The following FBRSL1 variants were observed in gnomAD, a reference collection of about 807,000 sequenced individuals.
The protein encoded by FBRSL1 is fibrosin like 1.
In FBRSL1, 51 loss-of-function variants were observed where a neutral mutation model predicts 89.6. The ratio of observed to expected loss-of-function variants is 0.57; its 90% CI spans 0.45 to 0.72. FBRSL1 has a LOEUF of 0.72. Among genes scored for constraint, FBRSL1 ranks in the 30% least tolerant of loss-of-function variants. The pLI is 0.00. For synonymous variants in FBRSL1, 779 were observed against 681.1 expected (o/e 1.14, Z -2.24); for missense variants, 1,618 against 1,451.8 (o/e 1.11, Z -1.86).
rs1310949033 is a variant in FBRSL1 at position 132,576,836 on chromosome 12, C to T, written c.1739C>T (p.Ala580Val). The part of the protein sequence containing the change: ...QLDPHKLEVG[A>V]KLDLFGRPPA... ...GACCCCCACAAGCTGGAGGTGGGTG[C>T]AAAGCTGGACCTGTTCGGCAGACCC... Residue 580 changes from alanine to valine, a missense_variant, in exon 15 of 19, where the codon GCA (alanine) becomes GTA (valine). By Grantham distance (64) the Ala-to-Val change is moderately conservative. Coordinates refer to ENST00000680143, the MANE Select transcript of FBRSL1 (RefSeq NM_001367871.1). 6 of 1,550,888 alleles carry T rather than the reference C, an allele frequency of 3.9e-6. No individual in the cohort carries two copies. The East Asian group carries it at 1.2e-4, about 32-fold the overall frequency.
intron 4 of FBRSL1, among the ~76,000 whole-genome samples, chr12:132,537,012 C>T (rs538724334): frequency 1.1e-4 from 17 of 152,220 alleles, no homozygotes; most frequent in Admixed American, 3.3e-4. Flanking sequence ...TTCAGGCTGA[C>T]GTGGGGTGGG....
At chr12:132,503,499 A>T (rs1359524559) in intron 1 of FBRSL1, among the ~76,000 whole-genome samples, 1 of 152,140 alleles carries the variant, frequency 6.6e-6, no homozygotes, top group Non-Finnish European at 1.5e-5. Flanking sequence ...CCACCAGGTG[A>T]GTGTGAGCCA....
rs2040261637 is a variant in FBRSL1 at position 132,574,653 on chromosome 12, TCA to T, written c.1701+93_1701+94del. 5 of 1,452,364 alleles carry T rather than the reference TCA, an allele frequency of 3.4e-6. No individual in the cohort carries two copies. The Admixed American group carries it at 8.8e-5, about 25-fold the overall frequency. 90.0% of individuals were successfully genotyped at this position (1,452,364 alleles called of 1,614,324 possible). A position where few individuals can be genotyped will look rare whatever the true frequency, so the allele number is the denominator to read the frequency against. ...AGGCCAGGCATGAGGCTGTGTGTGT[TCA>T]CACGCGTGTGCACGGGTGTGATCCT... On this transcript the variant is annotated intron_variant, in intron 14 of 18. Transcript: ENST00000680143.
In FBRSL1 at chr12:132,510,324, C is replaced by T. The variant is rs1347404307; in HGVS notation, c.489+1974C>T. On this transcript the variant is annotated intron_variant, in intron 2 of 18. Transcript: ENST00000680143. ...GTCCCTATTGGATCTGGTGCCGGCC[C>T]GTCAGCCCCGGCTCTCGCTCCTGGC... The T allele has an allele frequency of 4.0e-5, 49 of 1,230,634 alleles. No homozygotes were observed. In the Admixed American group the frequency reaches 5.5e-4, roughly 14 times the overall value. The allele number at this position is 1,230,634 out of a possible 1,614,324, so 76.2% of individuals were successfully genotyped here. A position where few individuals can be genotyped will look rare whatever the true frequency, so the allele number is the denominator to read the frequency against.
rs963664275 is a variant in FBRSL1 at position 132,509,368 on chromosome 12, C to T, written c.489+1018C>T. 379 of 1,243,976 alleles carry T rather than the reference C, an allele frequency of 3.0e-4. 8 individuals are homozygous for T. In the East Asian group the frequency reaches 0.011, roughly 37 times the overall value. The allele number at this position is 1,243,976 out of a possible 1,614,324, so 77.1% of individuals were successfully genotyped here. ...GGTCAGCGCAGCTGGCCCCAGCGGT[C>T]ACTTCTGGGCCTGAAACAGCCCTGC... On this transcript the variant is annotated intron_variant, in intron 2 of 18. Coordinates refer to ENST00000680143, the MANE Select transcript of FBRSL1 (RefSeq NM_001367871.1).
At position 132,508,553 on chromosome 12, in the gene FBRSL1, C is replaced by T. The variant is rs1168602844; in HGVS notation, c.489+203C>T. Reference sequence around the variant, plus strand: ...GGAGCCGGCTGGGTCACGGAGGGGCCGTGACGTGCCCAGGGCCACAGCAGG... The same window carrying T: ...GGAGCCGGCTGGGTCACGGAGGGGCTGTGACGTGCCCAGGGCCACAGCAGG... On this transcript the variant is annotated intron_variant, in intron 2 of 18. Transcript: ENST00000680143. Among the ~76,000 whole-genome samples the T allele has an allele frequency of 3.9e-5, 6 of 152,322 alleles. No individual in the cohort carries two copies. The East Asian group carries it at 5.8e-4, about 15-fold the overall frequency.
At chr12:132,539,347 G>A (rs868102986) in intron 4 of FBRSL1, among the ~76,000 whole-genome samples, 23 of 58,486 alleles carry the variant, frequency 3.9e-4, no homozygotes, top group Admixed American at 2.0e-3. Context: ...CCTCCAGCCC[G>A]ATGCCCACCC....
intron 5 of FBRSL1, among the ~76,000 whole-genome samples, chr12:132,561,091 C>T (rs2039086369): frequency 6.6e-6 from 1 of 152,202 alleles, no homozygotes; most frequent in Non-Finnish European, 1.5e-5. Context: ...GCTCTCAGCC[C>T]TCCCGGATGG....
chr12:132,527,378 G>T (rs571290913), intron 3 of FBRSL1, among the ~76,000 whole-genome samples: 1 of 152,210 alleles, frequency 6.6e-6, no homozygotes, highest in Non-Finnish European at 1.5e-5. Flanking sequence ...GAGCCTCCTC[G>T]GGTTTGGATC....
chr12:132,493,634 C>T (rs377623786), intron 1 of FBRSL1, among the ~76,000 whole-genome samples: 3 of 152,012 alleles, frequency 2.0e-5, no homozygotes, highest in Non-Finnish European at 4.4e-5. Context: ...TTTGTGCCCC[C>T]GGCAGGTCCC....
chr12:132,518,311 A>C (rs561324479), intron 2 of FBRSL1, among the ~76,000 whole-genome samples: 1 of 147,486 alleles, frequency 6.8e-6, no homozygotes, highest in South Asian at 2.1e-4. Context: ...CCATCTGTCC[A>C]TCCAGCCACC....
intron 15 of FBRSL1, among the ~76,000 whole-genome samples, chr12:132,577,355 C>T (rs1277369269): frequency 6.6e-6 from 1 of 152,198 alleles, no homozygotes. Flanking sequence ...GAGGCTGCCC[C>T]TTTCTGTCTC....
At chr12:132,532,817 G>A (rs760387282) in intron 4 of FBRSL1, among the ~76,000 whole-genome samples, 203 of 152,350 alleles carry the variant, frequency 1.3e-3, no homozygotes, top group Middle Eastern at 3.4e-3. Context: ...AGCCCACCCC[G>A]TGTGCTTGGG....
intron 4 of FBRSL1, among the ~76,000 whole-genome samples, chr12:132,537,160 C>T (rs937137749): frequency 2.0e-5 from 3 of 152,180 alleles, no homozygotes; most frequent in African/African-American, 4.8e-5. Context: ...TAGGGATGGC[C>T]GCCCTGTCGT....
At chr12:132,576,517 C>CA (rs1485902823) in intron 14 of FBRSL1, among the ~76,000 whole-genome samples, 3 of 152,144 alleles carry the variant, frequency 2.0e-5, no homozygotes, top group Non-Finnish European at 2.9e-5. Flanking sequence ...AATCTAAATA[C>CA]AAAAAAAGTA....
chr12:132,523,047 G>T (rs1435102417), intron 2 of FBRSL1, among the ~76,000 whole-genome samples: 1 of 152,146 alleles, frequency 6.6e-6, no homozygotes, highest in Non-Finnish European at 1.5e-5. Context: ...ACAAGGCTGG[G>T]GTGGGCACAG....
rs1437570453 is a variant in FBRSL1 at position 132,582,119 on chromosome 12, G to T, written c.2054G>T (p.Ser685Ile). 3.9e-6 allele frequency: 6 copies of T among 1,549,744 alleles called. No homozygotes were observed. Among genetic ancestry groups the T allele is most frequent in the Non-Finnish European group, 5.2e-6 (6 of 1,146,736 alleles). The change falls in exon 18 of 19, where the codon AGC (serine) becomes ATC (isoleucine). Residue 685 changes from serine to isoleucine, a missense_variant. Ser to Ile is a moderately radical substitution (Grantham distance 142). Coordinates refer to ENST00000680143, the MANE Select transcript of FBRSL1 (RefSeq NM_001367871.1). ...KEGSSVHGLP[S>I]PHEAWNRLHR... ...GGCTCCTCCGTGCACGGCCTGCCCAGCCCCCATGAGGCCTGGAACCGACTG... is the reference window on the plus strand; with the variant it reads ...GGCTCCTCCGTGCACGGCCTGCCCATCCCCCATGAGGCCTGGAACCGACTG...
At chr12:132,559,024 T>C (rs2038897889) in intron 5 of FBRSL1, among the ~76,000 whole-genome samples, 1 of 152,238 alleles carries the variant, frequency 6.6e-6, no homozygotes, top group Non-Finnish European at 1.5e-5. Flanking sequence ...TCCACCTGAG[T>C]GGGCGCTGGG....
At chr12:132,495,297 T>C (rs532787769) in intron 1 of FBRSL1, among the ~76,000 whole-genome samples, 189 of 152,256 alleles carry the variant, frequency 1.2e-3, no homozygotes, top group African/African-American at 4.3e-3. Context: ...GACCTGGCCA[T>C]GTGGGGGCGG....
Sources: gnomAD v4.1 joint callset for allele counts (sites outside exome capture counted in the v4.1 genomes callset) on GRCh38, gnomAD v4.1.1 for gene constraint, MANE v1.5 for transcripts, NCBI Gene and HGNC (gene_info 2026-07-23, HGNC 2026-07-21) for gene names.